COLEC12: variants seen among roughly 807,000 people sequenced by gnomAD.
COLEC12 encodes the protein collectin-12.
Under a neutral mutation model 71.1 loss-of-function variants are expected in COLEC12, and 33 were observed. That is an observed-to-expected ratio of 0.46 (90% CI 0.35 to 0.62). COLEC12 has a LOEUF of 0.62. Ranked by LOEUF, COLEC12 falls within the 20% of genes least tolerant of loss-of-function variation. The pLI, the probability that COLEC12 is intolerant of heterozygous loss-of-function variation, is 0.00. For missense variants in COLEC12, 765 were observed against 916.1 expected (o/e 0.84, Z 2.13); for synonymous variants, 350 against 353.0 (o/e 0.99, Z 0.10).
chr18:405,561 C>T (rs914293050), intron 2 of COLEC12, among the ~76,000 whole-genome samples: 10 of 152,132 alleles, frequency 6.6e-5, no homozygotes, highest in African/African-American at 2.2e-4. Context: ...GAAAATAGAA[C>T]CTACGTTGAA....
chr18:388,245 A>T (rs1915388647), intron 2 of COLEC12, among the ~76,000 whole-genome samples: 1 of 152,198 alleles, frequency 6.6e-6, no homozygotes, highest in South Asian at 2.1e-4. Flanking sequence ...GTAGCCCTCA[A>T]CTTCCACAAT....
At chr18:487,194 C>T (rs1435105782) in intron 1 of COLEC12, among the ~76,000 whole-genome samples, 1 of 152,110 alleles carries the variant, frequency 6.6e-6, no homozygotes, top group African/African-American at 2.4e-5. Context: ...AAACATTATG[C>T]TAAGTAAAAG....
At chr18:446,645 G>C (rs1018872441) in intron 2 of COLEC12, among the ~76,000 whole-genome samples, 3 of 151,628 alleles carry the variant, frequency 2.0e-5, no homozygotes, top group Non-Finnish European at 4.4e-5. Context: ...GGAGGTTGAG[G>C]ACCTTCCAAA....
intron 2 of COLEC12, among the ~76,000 whole-genome samples, chr18:410,441 T>TC (rs1396935477): frequency 6.8e-6 from 1 of 146,108 alleles, no homozygotes; most frequent in Non-Finnish European, 1.5e-5. Context: ...GAGTTGTTCT[T>TC]CTTTTTTTTT....
At chr18:458,572 A>G (rs1916916076) in intron 2 of COLEC12, among the ~76,000 whole-genome samples, 1 of 152,240 alleles carries the variant, frequency 6.6e-6, no homozygotes, top group South Asian at 2.1e-4. Flanking sequence ...GCTTCTGTGA[A>G]TCGGTGGCAG....
chr18:469,485 T>A (rs1313455184), intron 2 of COLEC12, among the ~76,000 whole-genome samples: 1 of 152,216 alleles, frequency 6.6e-6, no homozygotes, highest in Non-Finnish European at 1.5e-5. Flanking sequence ...GTAGTAAACG[T>A]CACATCACTT....
intron 2 of COLEC12, among the ~76,000 whole-genome samples, chr18:434,879 G>A (rs4798196): frequency 0.18 from 27,808 of 151,762 alleles, 2,834 homozygotes; most frequent in Middle Eastern, 0.24. Flanking sequence ...TCTCATCCTG[G>A]CTAGCCACAT....
chr18:352,060 T>G (rs1321835172), intron 3 of COLEC12, among the ~76,000 whole-genome samples: 1 of 152,168 alleles, frequency 6.6e-6, no homozygotes, highest in Non-Finnish European at 1.5e-5. Flanking sequence ...GCATTGGCAG[T>G]GAGTATGACA....
At chr18:379,841 A>T (rs1378900449) in intron 2 of COLEC12, among the ~76,000 whole-genome samples, 2 of 152,212 alleles carry the variant, frequency 1.3e-5, no homozygotes, top group Non-Finnish European at 2.9e-5. Context: ...TGGCTGGGAC[A>T]GTGCGCAGGA....
At chr18:404,476 G>C (rs1915747211) in intron 2 of COLEC12, among the ~76,000 whole-genome samples, 1 of 152,136 alleles carries the variant, frequency 6.6e-6, no homozygotes, top group African/African-American at 2.4e-5. Flanking sequence ...ACTGAATAAA[G>C]CAAAATATTC....
chr18:386,042 A>G (rs972683915), intron 2 of COLEC12, among the ~76,000 whole-genome samples: 4 of 152,148 alleles, frequency 2.6e-5, no homozygotes, highest in Non-Finnish European at 5.9e-5. Context: ...CTGGGGATAC[A>G]GTAGGGGTGG....
At chr18:321,848 T>C (rs1175148397) in intron 8 of COLEC12, 41 bp from the exon 9 acceptor site, 5 of 1,579,194 alleles carry the variant, frequency 3.2e-6, no homozygotes, top group African/African-American at 1.4e-5. Context: ...TGCACAGTAA[T>C]GCAGAGCTTT....
At chr18:347,380 G>T in intron 4 of COLEC12, 39 bp from the exon 5 acceptor site, 1 of 1,554,800 alleles carries the variant, frequency 6.4e-7, no homozygotes, top group Non-Finnish European at 8.8e-7. Flanking sequence ...TTGGTGGTAT[G>T]GAGAAGTGTT....
Position 399,155 on chromosome 18 carries a change from CA to C in COLEC12, c.59-41634del, listed in dbSNP as rs540552182. On this transcript the variant is annotated intron_variant, in intron 2 of 9. Coordinates refer to ENST00000400256, the MANE Select transcript of COLEC12 (RefSeq NM_130386.3). This position sits in a 1 kb window ranked among gnomAD's most constrained non-coding sequence, Gnocchi z 4.0. ...AAAAGCAAAGGAACCAAAAACAACA[CA>C]AAAAAACCCCAATCTGAAACACTAT... Among the ~76,000 whole-genome samples, 1,164 of 152,316 alleles carry C rather than the reference CA, an allele frequency of 7.6e-3. 16 individuals carry two copies. The highest frequency in any genetic ancestry group is 0.027 in the African/African-American group (1,104 of 41,580).
At chr18:432,382 G>A (rs538192773) in intron 2 of COLEC12, among the ~76,000 whole-genome samples, 2 of 152,154 alleles carry the variant, frequency 1.3e-5, no homozygotes, top group South Asian at 2.1e-4. Flanking sequence ...AAAAGGAACC[G>A]ATGTCTAGGA....
intron 2 of COLEC12, among the ~76,000 whole-genome samples, chr18:471,525 C>A (rs1225155088): frequency 6.6e-6 from 1 of 151,574 alleles, no homozygotes; most frequent in African/African-American, 2.4e-5. Context: ...CTTGTAGCTT[C>A]ATTTATAGCA....
In COLEC12 at chr18:500,643, C is replaced by G; in HGVS notation, c.-129G>C. 2 of 706,574 alleles carry G rather than the reference C, an allele frequency of 2.8e-6. No individual in the cohort carries two copies. Among genetic ancestry groups the G allele is most frequent in the South Asian group, 6.6e-5 (1 of 15,046 alleles). The allele number at this position is 706,574 out of a possible 1,614,324, so 43.8% of individuals were successfully genotyped here. ...CGCCGCGCGCCGGCCGTCTGCGCCC[C>G]CGTCCTCCCTCGCCGCCGCCGGCCC... On this transcript the variant is annotated 5_prime_UTR_variant, in exon 1 of 10. Coordinates refer to ENST00000400256, the MANE Select transcript of COLEC12 (RefSeq NM_130386.3). This position sits in a 1 kb window ranked among gnomAD's most constrained non-coding sequence, Gnocchi z 5.3.
At position 500,370 on chromosome 18, in the gene COLEC12, C is replaced by T. The variant is rs1401324824; in HGVS notation, c.7+138G>A. The T allele has an allele frequency of 1.5e-5, 8 of 549,158 alleles. No individual in the cohort carries two copies. The highest frequency in any genetic ancestry group is 5.6e-4 in the Middle Eastern group (1 of 1,796). The allele number at this position is 549,158 out of a possible 1,614,324, so 34.0% of individuals were successfully genotyped here. A position where few individuals can be genotyped will look rare whatever the true frequency, so the allele number is the denominator to read the frequency against. On this transcript the variant is annotated intron_variant, in intron 1 of 9. Coordinates refer to ENST00000400256, the MANE Select transcript of COLEC12 (RefSeq NM_130386.3). The surrounding 1 kb of genome is among the most constrained non-coding windows in gnomAD (Gnocchi z 5.3). ...TGCGCCCCCAGTGTCCGCGCACGAA[C>T]CCGGCGCCCTGGCAGCCCCGACTCC...
At chr18:331,953 T>TG (rs1222560359) in intron 7 of COLEC12, among the ~76,000 whole-genome samples, 176 bp from the exon 8 acceptor site, 2 of 152,216 alleles carry the variant, frequency 1.3e-5, no homozygotes, top group Admixed American at 1.3e-4. Context: ...TTGTGCTGTT[T>TG]GGGGGGCTTT....
Sources: gnomAD v4.1 joint callset for allele counts (sites outside exome capture counted in the v4.1 genomes callset) on GRCh38, gnomAD v4.1.1 for gene constraint, Gnocchi (gnomAD v3.1) non-coding constraint, MANE v1.5 for transcripts, NCBI Gene and HGNC (gene_info 2026-07-23, HGNC 2026-07-21) for gene names.